ADCY8: variants seen among roughly 807,000 people sequenced by gnomAD.
The protein encoded by ADCY8 is adenylate cyclase 8.
Under a neutral mutation model 119.7 loss-of-function variants are expected in ADCY8, and 51 were observed. That is an observed-to-expected ratio of 0.43 (90% CI 0.34 to 0.54). The LOEUF (loss-of-function observed/expected upper bound fraction) is 0.54, where lower values mean the gene tolerates loss of function less well. Ranked by LOEUF, ADCY8 falls within the 20% of genes least tolerant of loss-of-function variation. The pLI is 0.03. For synonymous variants in ADCY8, 665 were observed against 651.0 expected (o/e 1.02, Z -0.33); for missense variants, 1,383 against 1,598.8 (o/e 0.87, Z 2.30).
At chr8:130,884,485 C>T in intron 8 of ADCY8, 79 bp downstream of exon 8, 2 of 1,477,972 alleles carry the variant, frequency 1.4e-6, no homozygotes, top group South Asian at 1.1e-5. Flanking sequence ...AACCACAGCC[C>T]CTGGGCTCTC....
chr8:130,852,809 T>C (rs1215108277), intron 9 of ADCY8, among the ~76,000 whole-genome samples: 3 of 152,208 alleles, frequency 2.0e-5, no homozygotes, highest in Admixed American at 1.3e-4. Context: ...GCCAGTGCTA[T>C]GCACTTTCTG....
At chr8:130,880,066 G>GCC (rs1425496675) in intron 8 of ADCY8, among the ~76,000 whole-genome samples, 1 of 152,172 alleles carries the variant, frequency 6.6e-6, no homozygotes, top group Non-Finnish European at 1.5e-5. Context: ...CCTGCTGCCA[G>GCC]CCACATAAGA....
intron 2 of ADCY8, among the ~76,000 whole-genome samples, chr8:130,959,297 C>T (rs1169126095): frequency 6.6e-6 from 1 of 151,996 alleles, no homozygotes; most frequent in East Asian, 1.9e-4. Context: ...GACTTTGCCA[C>T]CAGAAATGTT....
rs753725728 is a variant in ADCY8, at chr8:131,040,062, A to G, written c.272T>C (p.Leu91Pro). The G allele has an allele frequency of 1.0e-5, 16 of 1,543,704 alleles. No homozygotes were observed. In the South Asian group the frequency reaches 1.9e-4, roughly 18 times the overall value. Residue 91 changes from leucine (L) to proline (P), a missense_variant, in exon 1 of 18, where the codon CTC becomes CCC. By Grantham distance (98) the Leu-to-Pro change is moderately conservative (BLOSUM62 -3). Transcript: ENST00000286355. ...TCGCTCTCCCGGGCCCAGCGAGTAGAGGGGCAGCGCCGAGTCGCCTGACAG... is the reference window on the plus strand; with the variant it reads ...TCGCTCTCCCGGGCCCAGCGAGTAGGGGGGCAGCGCCGAGTCGCCTGACAG... Reference protein sequence around the residue: ...PQLSGDSALPLYSLGPGERAH... With the variant: ...PQLSGDSALPPYSLGPGERAH...
intron 2 of ADCY8, among the ~76,000 whole-genome samples, chr8:130,965,869 A>T (rs898038114): frequency 2.0e-5 from 3 of 152,164 alleles, no homozygotes; most frequent in Non-Finnish European, 4.4e-5. Flanking sequence ...GCCCATACAG[A>T]CTATTTCAGC....
At chr8:130,915,244 G>A (rs531647716) in intron 5 of ADCY8, among the ~76,000 whole-genome samples, 1 of 152,212 alleles carries the variant, frequency 6.6e-6, no homozygotes, top group African/African-American at 2.4e-5. Flanking sequence ...TATTAAGGAA[G>A]CATGTTATAA....
At chr8:130,799,157 A>C (rs770088125) in intron 15 of ADCY8, among the ~76,000 whole-genome samples, 1 of 152,170 alleles carries the variant, frequency 6.6e-6, no homozygotes, top group Non-Finnish European at 1.5e-5. Flanking sequence ...GGGAGATATT[A>C]GTTAAAGGGT....
At chr8:130,924,780 T>A (rs973090513) in intron 5 of ADCY8, among the ~76,000 whole-genome samples, 2 of 152,192 alleles carry the variant, frequency 1.3e-5, no homozygotes, top group African/African-American at 4.8e-5. Flanking sequence ...GTCTGATTTG[T>A]CCATGCTGCA....
chr8:130,881,869 C>T (rs529085128), intron 8 of ADCY8, among the ~76,000 whole-genome samples: 1 of 149,444 alleles, frequency 6.7e-6, no homozygotes. Flanking sequence ...TTTTTGTCCA[C>T]ATTCAAAGTG....
In ADCY8 at chr8:131,038,452, A is replaced by G. The variant is rs563758373; in HGVS notation, c.960+922T>C. ...TACCTACCATACATTTTGCAAAGAC[A>G]GTGCCATGCCATTAATTAGCTATTG... On this transcript the variant is annotated intron_variant, in intron 1 of 17. Transcript: ENST00000286355. Among the ~76,000 whole-genome samples the G allele has an allele frequency of 3.1e-4, 47 of 152,352 alleles. No individual in the cohort carries two copies. The South Asian group carries it at 7.7e-3, about 25-fold the overall frequency.
chr8:130,863,182 GTTC>G (rs150183902), intron 9 of ADCY8, among the ~76,000 whole-genome samples: 14,032 of 151,982 alleles, frequency 0.092, 684 homozygotes, highest in African/African-American at 0.11. Flanking sequence ...CATATTGCTC[GTTC>G]TTCTTAGAGA....
intron 14 of ADCY8, among the ~76,000 whole-genome samples, chr8:130,803,801 T>A (rs1386941927): frequency 6.6e-6 from 1 of 152,208 alleles, no homozygotes; most frequent in Non-Finnish European, 1.5e-5. Context: ...TCCACATGCA[T>A]GCCCTAGGTC....
At chr8:130,863,880 A>C (rs182572813) in intron 9 of ADCY8, among the ~76,000 whole-genome samples, 1 of 152,300 alleles carries the variant, frequency 6.6e-6, no homozygotes, top group African/African-American at 2.4e-5. Context: ...ATTAAGATTA[A>C]GATAAAAACA....
At chr8:130,817,235 C>T (rs174495) in intron 13 of ADCY8, among the ~76,000 whole-genome samples, 126,375 of 152,196 alleles carry the variant, frequency 0.83, 52,549 homozygotes, top group East Asian at 0.91. Context: ...GCTGCAGATA[C>T]AAGATTGATG....
chr8:130,984,206 T>G (rs950402056), intron 2 of ADCY8, among the ~76,000 whole-genome samples: 3 of 151,710 alleles, frequency 2.0e-5, no homozygotes, highest in Non-Finnish European at 4.4e-5. Context: ...GGAGCCTGCA[T>G]GAGTGGGCTC....
chr8:130,931,536 C>A (rs117450877), intron 5 of ADCY8, among the ~76,000 whole-genome samples: 3,795 of 152,102 alleles, frequency 0.025, 89 homozygotes, highest in South Asian at 0.071. Context: ...AGCTTTCTAC[C>A]CCTTTATCTT....
At chr8:130,789,108 A>G (rs1172288922) in intron 15 of ADCY8, among the ~76,000 whole-genome samples, 1 of 152,232 alleles carries the variant, frequency 6.6e-6, no homozygotes, top group Non-Finnish European at 1.5e-5. Flanking sequence ...AATTGTGGTG[A>G]TGTTTCATAG....
At chr8:130,879,175 A>G (rs1371213085) in intron 8 of ADCY8, among the ~76,000 whole-genome samples, 1 of 152,178 alleles carries the variant, frequency 6.6e-6, no homozygotes, top group Non-Finnish European at 1.5e-5. Context: ...AGAAGTGAGG[A>G]CCAGAGGCTG....
chr8:130,872,166 A>G (rs544945555), intron 8 of ADCY8, among the ~76,000 whole-genome samples: 3 of 152,336 alleles, frequency 2.0e-5, no homozygotes, highest in South Asian at 2.1e-4. Context: ...GTTGATTCAA[A>G]AAAAGGTCAA....
Sources: allele counts gnomAD v4.1 joint callset (sites outside exome capture counted in the v4.1 genomes callset), GRCh38; gene constraint gnomAD v4.1.1; transcripts MANE v1.5; gene names NCBI Gene and HGNC (gene_info 2026-07-23, HGNC 2026-07-21).